Variants in DCHS2 observed in about 807,000 individuals in gnomAD.
DCHS2 encodes the protein dachsous cadherin-related 2.
DCHS2 carries 142 observed loss-of-function variants against 182.4 expected under a neutral mutation model. The ratio of observed to expected loss-of-function variants is 0.78; its 90% CI spans 0.68 to 0.89. The LOEUF (loss-of-function observed/expected upper bound fraction) is 0.89, where lower values mean the gene tolerates loss of function less well. Ranked by LOEUF, DCHS2 falls within the 40% of genes least tolerant of loss-of-function variation. The pLI is 0.00. For synonymous variants in DCHS2, 1,740 were observed against 1,663.3 expected (o/e 1.05, Z -1.12); for missense variants, 4,319 against 4,198.6 (o/e 1.03, Z -0.79).
chr4:154,333,533 G>T, intron 4 of DCHS2, 39 bp from the exon 5 acceptor site: 1 of 1,548,778 alleles, frequency 6.5e-7, no homozygotes, highest in South Asian at 1.2e-5. Flanking sequence ...TATGTCAAAA[G>T]GGTGGACCCA....
At chr4:154,470,033 C>T (rs1475409443) in intron 1 of DCHS2, among the ~76,000 whole-genome samples, 1 of 152,108 alleles carries the variant, frequency 6.6e-6, no homozygotes, top group East Asian at 1.9e-4. Flanking sequence ...CAGCTTTCTA[C>T]AACAGGGCCT....
At chr4:154,314,183 CACA>C (rs1352756682) in intron 10 of DCHS2, among the ~76,000 whole-genome samples, 2 of 152,098 alleles carry the variant, frequency 1.3e-5, no homozygotes, top group Non-Finnish European at 2.9e-5. Flanking sequence ...TGCAAAATCA[CACA>C]ACATCAGCAA....
At chr4:154,453,190 C>T (rs895747268) in intron 1 of DCHS2, among the ~76,000 whole-genome samples, 1 of 151,918 alleles carries the variant, frequency 6.6e-6, no homozygotes, top group Non-Finnish European at 1.5e-5. Flanking sequence ...GAAGGAAGCA[C>T]TGTCTTTCCT....
intron 16 of DCHS2, among the ~76,000 whole-genome samples, chr4:154,252,550 A>AAT (rs1732428770): frequency 6.6e-6 from 1 of 151,664 alleles, no homozygotes; most frequent in African/African-American, 2.4e-5. Flanking sequence ...CATTTGTTGT[A>AAT]ATTTTTAGCT....
intron 1 of DCHS2, among the ~76,000 whole-genome samples, chr4:154,475,668 A>G (rs766581093): frequency 6.6e-6 from 1 of 152,158 alleles, no homozygotes; most frequent in Non-Finnish European, 1.5e-5. Context: ...TATTTCCCAC[A>G]TTGCTTCACC....
intron 3 of DCHS2, among the ~76,000 whole-genome samples, chr4:154,340,161 C>A (rs748135459): frequency 1.3e-5 from 2 of 151,996 alleles, no homozygotes; most frequent in African/African-American, 2.4e-5. Flanking sequence ...ATGTGGGCCT[C>A]TAAAAATAAT....
At position 154,322,436 on chromosome 4, in the gene DCHS2, T is replaced by C. The variant is rs1736097501; in HGVS notation, c.4071A>G (p.Thr1357=). ...KIDANNGEIR[T]TTILSYDYRP... is the part of the protein sequence containing the mutation. ...TATAATCATACGAAAGTATTGTGGT[T>C]GTTCTTATTTCACCATTGTTGGCGT... The change falls in exon 8 of 20, where the codon ACA becomes ACG. Residue 1357 remains threonine, a synonymous_variant. Transcript: ENST00000357232. 1 of 1,613,696 alleles carries C rather than the reference T, an allele frequency of 6.2e-7. No individual in the cohort carries two copies.
intron 1 of DCHS2, among the ~76,000 whole-genome samples, chr4:154,397,393 T>A (rs2110862964): frequency 6.6e-6 from 1 of 152,334 alleles, no homozygotes; most frequent in East Asian, 1.9e-4. Flanking sequence ...GAATACCTAT[T>A]CTGTATTTGA....
intron 1 of DCHS2, among the ~76,000 whole-genome samples, chr4:154,419,275 C>T (rs1054705461): frequency 3.3e-5 from 5 of 152,144 alleles, no homozygotes; most frequent in Admixed American, 2.6e-4. Context: ...TCTGGACTTA[C>T]GTAGGTTATT....
intron 2 of DCHS2, among the ~76,000 whole-genome samples, chr4:154,374,621 A>T (rs887470063): frequency 4.6e-4 from 70 of 152,294 alleles, no homozygotes; most frequent in African/African-American, 1.7e-3. Flanking sequence ...TATTGAATAT[A>T]AAGGGCTGTA....
chr4:154,491,329 G>A lies in DCHS2; in HGVS notation c.27C>T (p.Gly9=), dbSNP rs1266543496. 3 of 1,543,870 alleles carry A rather than the reference G, an allele frequency of 1.9e-6. 1 individual carries two copies. In the South Asian group the frequency reaches 3.6e-5, roughly 18 times the overall value. ...GAGCCCGCCGCTGCTGACGCCCTTCGCCCATCTTCCGCCCACAAGGGCTCA... is the reference window on the plus strand; with the variant it reads ...GAGCCCGCCGCTGCTGACGCCCTTCACCCATCTTCCGCCCACAAGGGCTCA... The part of the protein sequence containing the change: MSPCGRKM[G]EGRQQRRAPV... Residue 9 remains glycine (G), a synonymous_variant, in exon 1 of 20, where the codon GGC becomes GGT. Transcript: ENST00000357232.
rs1735106929 is a variant in DCHS2, at chr4:154,463,573, T to C, written c.2052+25731A>G. 3.3e-5 allele frequency among the ~76,000 whole-genome samples: 5 copies of C among 152,318 alleles called. No homozygotes were observed. The South Asian group carries it at 1.0e-3, about 32-fold the overall frequency. The stretch of plus-strand genomic sequence containing the variant: ...TTTCTTGAAGGAGAATCAGAATCTT[T>C]TGGAGAACAGTACTGAGCTATTAAA... On this transcript the variant is annotated intron_variant, in intron 1 of 19. Coordinates refer to ENST00000357232, the MANE Select transcript of DCHS2 (RefSeq NM_001358235.2).
In DCHS2 at chr4:154,332,500, G is replaced by T. The variant is rs1448802431; in HGVS notation, c.3708C>A (p.Phe1236Leu). 6.2e-7 allele frequency: 1 copy of T among 1,613,158 alleles called. No homozygotes were observed. Among genetic ancestry groups the T allele is most frequent in the East Asian group, 2.2e-5 (1 of 44,874 alleles). ...LLYFLLSDGKFFKMNPNTGEL... is the reference protein window; with the variant it reads ...LLYFLLSDGKLFKMNPNTGEL... Reference sequence around the variant, plus strand: ...TACCTGTATTAGGATTCATCTTGAAGAATTTTCCATCAGACAAAAGGAAAT... The same window carrying T: ...TACCTGTATTAGGATTCATCTTGAATAATTTTCCATCAGACAAAAGGAAAT... The change falls in exon 5 of 20, where the codon TTC becomes TTA. Residue 1236 changes from phenylalanine to leucine, a missense_variant. By Grantham distance (22) the Phe-to-Leu change is conservative (BLOSUM62 0). Coordinates refer to ENST00000357232, the MANE Select transcript of DCHS2 (RefSeq NM_001358235.2).
At chr4:154,333,804 C>T (rs1236798097) in intron 4 of DCHS2, 2 of 354,990 alleles carry the variant, frequency 5.6e-6, no homozygotes, top group Non-Finnish European at 1.0e-5. Context: ...GTAGGCCACA[C>T]CATCCAGGTT....
At chr4:154,348,700 A>G (rs1353293957) in intron 3 of DCHS2, among the ~76,000 whole-genome samples, 1 of 151,950 alleles carries the variant, frequency 6.6e-6, no homozygotes, top group African/African-American at 2.4e-5. Flanking sequence ...AAGGAGTGCC[A>G]AAGATCACCA....
chr4:154,360,407 C>T (rs1333774485), intron 3 of DCHS2, among the ~76,000 whole-genome samples: 3 of 152,030 alleles, frequency 2.0e-5, no homozygotes, highest in Admixed American at 6.6e-5. Flanking sequence ...TACGAGAAAC[C>T]TAATGAAGAA....
At chr4:154,368,006 T>C (rs1042506696) in intron 2 of DCHS2, among the ~76,000 whole-genome samples, 1 of 152,156 alleles carries the variant, frequency 6.6e-6, no homozygotes. Context: ...AATAGTCTGA[T>C]TTTCCATGTT....
intron 1 of DCHS2, among the ~76,000 whole-genome samples, chr4:154,440,192 G>A (rs1446167731): frequency 3.3e-5 from 5 of 152,208 alleles, no homozygotes; most frequent in African/African-American, 1.2e-4. Context: ...GGACTAGAGT[G>A]AGACGAAGCT....
In DCHS2 at chr4:154,490,041, C is replaced by T. The variant is rs910488424; in HGVS notation, c.1315G>A (p.Val439Ile). The T allele has an allele frequency of 1.9e-6, 3 of 1,547,946 alleles. No individual in the cohort carries two copies. The highest frequency in any genetic ancestry group is 1.2e-5 in the South Asian group (1 of 84,056). ...TCACCGTCCGCGTCAGACACCGAGA[C>T]GCGAGCCACGTAGTCGCCCGGTCGG... ...GARPGDYVARVSVSDADGDWE... is the reference protein window; with the variant it reads ...GARPGDYVARISVSDADGDWE... The change falls in exon 1 of 20, where the codon GTC becomes ATC. Residue 439 changes from valine (V) to isoleucine (I), a missense_variant. Val to Ile is a conservative substitution (Grantham distance 29). Transcript: ENST00000357232.
Sources: allele counts gnomAD v4.1 joint callset (sites outside exome capture counted in the v4.1 genomes callset), GRCh38; gene constraint gnomAD v4.1.1; transcripts MANE v1.5; gene names NCBI Gene and HGNC (gene_info 2026-07-23, HGNC 2026-07-21).